SLC39A8: variants seen among roughly 807,000 people sequenced by gnomAD.
SLC39A8 encodes the protein metal cation symporter ZIP8.
A neutral mutation model predicts 40.4 loss-of-function variants in SLC39A8; 15 were observed. The ratio of observed to expected loss-of-function variants is 0.37; its 90% CI spans 0.25 to 0.57. The LOEUF is 0.57. SLC39A8 is among the 20% of genes least tolerant of loss of function. The probability of loss-of-function intolerance (pLI) is 0.75; values close to 1 mark genes in which losing one functional copy is unlikely to be tolerated. For missense variants in SLC39A8, 472 were observed against 558.8 expected, an observed-to-expected ratio of 0.84 and a Z score of 1.57; for synonymous variants, 223 against 221.6, an observed-to-expected ratio of 1.01 and a Z score of -0.06.
chr4:102,304,292 A>T (rs760538302), intron 6 of SLC39A8, 25 bp downstream of exon 6: 1 of 1,584,608 alleles, frequency 6.3e-7, no homozygotes, highest in Non-Finnish European at 8.6e-7. Flanking sequence ...CAGTATAATG[A>T]AGGAAAAATG....
At position 102,329,618 on chromosome 4, in the gene SLC39A8, G is replaced by T. The variant is rs1215365320; in HGVS notation, c.220-13788C>A. 1.8e-4 allele frequency among the ~76,000 whole-genome samples: 23 copies of T among 126,268 alleles called. No homozygotes were observed. In the East Asian group the frequency reaches 4.8e-3, roughly 26 times the overall value. 82.8% of individuals were successfully genotyped at this position (126,268 alleles called of 152,430 possible). On this transcript the variant is annotated intron_variant, in intron 2 of 8. Coordinates refer to ENST00000356736, the MANE Select transcript of SLC39A8 (RefSeq NM_001135146.2). ...AGCCTGGGGGAGAGAGCAAGAATCT[G>T]TCTCAAAAAAAAAAAAAAAAAAAGA...
chr4:102,260,411 C>A (rs1270310414), downstream of SLC39A8, among the ~76,000 whole-genome samples: 2 of 152,182 alleles, frequency 1.3e-5, no homozygotes, highest in Admixed American at 1.3e-4. Context: ...AGATTATTGG[C>A]TATTACTTCT....
chr4:102,270,937 T>C (rs188076582), intron 6 of SLC39A8, among the ~76,000 whole-genome samples: 8 of 152,130 alleles, frequency 5.3e-5, no homozygotes, highest in Non-Finnish European at 8.8e-5. Flanking sequence ...AATGGGCTTA[T>C]TGCAGAACAG....
At chr4:102,329,327 T>C (rs1243838903) in intron 2 of SLC39A8, among the ~76,000 whole-genome samples, 1 of 152,100 alleles carries the variant, frequency 6.6e-6, no homozygotes, top group Non-Finnish European at 1.5e-5. Context: ...ATTTGCATAT[T>C]AAAGATTCAA....
At chr4:102,276,317 T>TC (rs551714933) in intron 6 of SLC39A8, among the ~76,000 whole-genome samples, 43 of 152,158 alleles carry the variant, frequency 2.8e-4, no homozygotes, top group African/African-American at 8.9e-4. Context: ...TCACCACTGA[T>TC]CCACAGGAAT....
rs2149000659 is a variant in SLC39A8, at chr4:102,262,010, T to C, written c.*1034A>G. 1.0e-6 allele frequency: 1 copy of C among 985,836 alleles called. No individual in the cohort carries two copies. Among genetic ancestry groups the C allele is most frequent in the Non-Finnish European group, 1.2e-6 (1 of 829,818 alleles). The allele number at this position is 985,836 out of a possible 1,614,324, so 61.1% of individuals were successfully genotyped here. On this transcript the variant is annotated 3_prime_UTR_variant, in exon 9 of 9. Transcript: ENST00000356736. ...TGCTAATTTTTTTCAAGGTATACCA[T>C]ATGGAAAAGTATAGGCTGAACACAA...
chr4:102,267,311 A>G (rs553432202), intron 8 of SLC39A8, among the ~76,000 whole-genome samples, 179 bp downstream of exon 8: 2 of 152,374 alleles, frequency 1.3e-5, no homozygotes, highest in Admixed American at 1.3e-4. Context: ...TCAGTTTCAA[A>G]TTACTATTAG....
At position 102,267,960 on chromosome 4, in the gene SLC39A8, C is replaced by G. The variant is rs143066736; in HGVS notation, c.960G>C (p.Leu320=). 5.1e-5 allele frequency: 82 copies of G among 1,614,074 alleles called. 1 individual carries two copies. The highest frequency in any genetic ancestry group is 6.3e-5 in the Non-Finnish European group (74 of 1,180,054). Residue 320 remains leucine, a synonymous_variant, in exon 7 of 9, where the codon CTG becomes CTC. Transcript: ENST00000356736. ...ACAAGGTGCAGGAAGCCCCAATCGC[C>G]AGGCCATCGATGAAATTGTGGAGGG... ...CDALHNFIDG[L]AIGASCTLSL... is the part of the protein sequence containing the mutation.
At chr4:102,284,815 G>C (rs112022449) in intron 6 of SLC39A8, among the ~76,000 whole-genome samples, 7 of 125,412 alleles carry the variant, frequency 5.6e-5, no homozygotes, top group African/African-American at 2.3e-4. Context: ...CTCTAGATTT[G>C]GGTGTTTGTT....
intron 2 of SLC39A8, among the ~76,000 whole-genome samples, chr4:102,336,945 C>T (rs541811546): frequency 7.9e-5 from 12 of 152,044 alleles, no homozygotes; most frequent in Non-Finnish European, 1.5e-4. Context: ...TTTTAGATAG[C>T]CTAGAGTTTA....
At chr4:102,311,767 T>A (rs951171740) in intron 3 of SLC39A8, among the ~76,000 whole-genome samples, 1 of 152,122 alleles carries the variant, frequency 6.6e-6, no homozygotes, top group African/African-American at 2.4e-5. Flanking sequence ...AATTTTACTG[T>A]CTACCCACTG....
intron 3 of SLC39A8, among the ~76,000 whole-genome samples, chr4:102,311,379 T>A (rs1204408868): frequency 6.6e-6 from 1 of 152,132 alleles, no homozygotes; most frequent in African/African-American, 2.4e-5. Flanking sequence ...TTAGTTCATT[T>A]AATTCACTGT....
downstream of SLC39A8, chr4:102,259,405 C>T (rs1731785870): frequency 2.3e-6 from 3 of 1,320,628 alleles, no homozygotes; most frequent in Middle Eastern, 1.8e-4. Flanking sequence ...ATTGTATAAA[C>T]TTTAAAACAT....
chr4:102,292,979 A>G (rs933400014), intron 6 of SLC39A8, among the ~76,000 whole-genome samples: 3 of 152,092 alleles, frequency 2.0e-5, no homozygotes, highest in African/African-American at 7.2e-5. Context: ...TTAAACTCAA[A>G]TCTACCTGAC....
chr4:102,302,078 C>A (rs1368938234), intron 6 of SLC39A8, among the ~76,000 whole-genome samples: 1 of 151,976 alleles, frequency 6.6e-6, no homozygotes, highest in Admixed American at 6.6e-5. Context: ...TGTATCTCTT[C>A]CGTGCTTTGT....
chr4:102,307,306 TTC>T, intron 4 of SLC39A8, 128 bp downstream of exon 4: 1 of 1,079,432 alleles, frequency 9.3e-7, no homozygotes, highest in Non-Finnish European at 1.4e-6. Flanking sequence ...TGATTCAGCT[TTC>T]TCTTATCCAA....
intron 2 of SLC39A8, among the ~76,000 whole-genome samples, chr4:102,317,408 A>G (rs965834786): frequency 1.2e-4 from 18 of 152,142 alleles, no homozygotes; most frequent in African/African-American, 4.3e-4. Context: ...TTTTGAGTTT[A>G]TGATTAATGA....
chr4:102,281,549 A>G (rs893412211), intron 6 of SLC39A8, among the ~76,000 whole-genome samples: 12 of 152,182 alleles, frequency 7.9e-5, no homozygotes, highest in Non-Finnish European at 1.6e-4. Flanking sequence ...GGAAAGTGGT[A>G]AGAGGCAAAG....
At chr4:102,321,603 G>A (rs889150173) in intron 2 of SLC39A8, among the ~76,000 whole-genome samples, 8 of 152,026 alleles carry the variant, frequency 5.3e-5, no homozygotes, top group Non-Finnish European at 1.0e-4. Flanking sequence ...TTTTCTGGTC[G>A]TGTGACAAGA....
Sources: gnomAD v4.1 joint callset for allele counts (sites outside exome capture counted in the v4.1 genomes callset) on GRCh38, gnomAD v4.1.1 for gene constraint, MANE v1.5 for transcripts, NCBI Gene and HGNC (gene_info 2026-07-23, HGNC 2026-07-21) for gene names.